CDR2: variants seen among roughly 807,000 people sequenced by gnomAD.
CDR2 encodes the protein cerebellar degeneration-related protein 2.
In CDR2, 34 loss-of-function variants were observed where a neutral mutation model predicts 48.4. The observed-to-expected ratio is 0.70, with a 90% confidence interval of 0.53 to 0.94. The LOEUF (loss-of-function observed/expected upper bound fraction) is 0.94. CDR2 is among the 40% of genes least tolerant of loss of function. The pLI is 0.00. For missense variants in CDR2, 498 were observed against 549.5 expected (o/e 0.91, Z 0.94); for synonymous variants, 240 against 219.7 (o/e 1.09, Z -0.82).
chr16:22,372,455 G>T (rs188680703), intron 1 of CDR2, among the ~76,000 whole-genome samples: 1 of 152,216 alleles, frequency 6.6e-6, no homozygotes, highest in East Asian at 1.9e-4. Flanking sequence ...GCTAGATGCT[G>T]GAAACACAAG....
In CDR2 at chr16:22,346,629, C is replaced by T. The variant is rs1168055945; in HGVS notation, c.*336G>A. On this transcript the variant is annotated 3_prime_UTR_variant, in exon 5 of 5. Coordinates refer to ENST00000268383, the MANE Select transcript of CDR2 (RefSeq NM_001802.2). ...GAATTGCCTTAGCTTTGTTCTAACT[C>T]GACCCTTTTCCCCCATACTGTAGTA... is the stretch of plus-strand genomic sequence containing the variant. 6 of 256,656 alleles carry T rather than the reference C, an allele frequency of 2.3e-5. No homozygotes were observed. Among genetic ancestry groups the T allele is most frequent in the Non-Finnish European group, 3.0e-5 (4 of 133,766 alleles). The allele number at this position is 256,656 out of a possible 1,614,324, so 15.9% of individuals were successfully genotyped here.
intron 2 of CDR2, among the ~76,000 whole-genome samples, chr16:22,364,194 C>T (rs1034353081): frequency 6.6e-6 from 1 of 152,086 alleles, no homozygotes; most frequent in Non-Finnish European, 1.5e-5. Context: ...CTGTCTCCCT[C>T]GGCATCCTAA....
chr16:22,369,491 T>A (rs567510471), intron 1 of CDR2, among the ~76,000 whole-genome samples: 18 of 152,238 alleles, frequency 1.2e-4, no homozygotes, highest in African/African-American at 4.3e-4. Context: ...AAAAAGAATT[T>A]GAGACTTGTC....
At chr16:22,367,950 A>AGT (rs1452311608) in intron 1 of CDR2, among the ~76,000 whole-genome samples, 1 of 152,224 alleles carries the variant, frequency 6.6e-6, no homozygotes, top group Non-Finnish European at 1.5e-5. Context: ...GGCCAGGTGC[A>AGT]GTGGGTCATG....
chr16:22,372,027 C>T (rs1329026801), intron 1 of CDR2, among the ~76,000 whole-genome samples: 1 of 152,132 alleles, frequency 6.6e-6, no homozygotes, highest in Admixed American at 6.5e-5. Context: ...CCTGCCACCA[C>T]ACCCACCTAA....
chr16:22,347,055 C>CTT lies in CDR2; in HGVS notation c.1274_1275insAA (p.Phe426SerfsTer16). 6.2e-7 allele frequency: 1 copy of CTT among 1,614,236 alleles called. No homozygotes were observed. The stretch of plus-strand genomic sequence containing the variant: ...TGATGCAACTAAAGATCTCCTTAAA[C>CTT]AACGCTTTGTATTCTGGAGGTGTTG... On this transcript the variant is annotated frameshift_variant, in exon 5 of 5. Coordinates refer to ENST00000268383, the MANE Select transcript of CDR2 (RefSeq NM_001802.2). LOFTEE classifies it high-confidence loss of function.
chr16:22,355,118 G>A (rs1332169574), intron 2 of CDR2, among the ~76,000 whole-genome samples: 2 of 152,168 alleles, frequency 1.3e-5, no homozygotes, highest in South Asian at 2.1e-4. Flanking sequence ...TTTCTAGGAC[G>A]TTTTATTTTA....
At chr16:22,357,543 T>G (rs2048983160) in intron 2 of CDR2, among the ~76,000 whole-genome samples, 2 of 152,252 alleles carry the variant, frequency 1.3e-5, no homozygotes, top group African/African-American at 2.4e-5. Flanking sequence ...GGGCTTTGGC[T>G]TTAGCCCTCT....
At chr16:22,367,840 T>C (rs1349782579) in intron 1 of CDR2, among the ~76,000 whole-genome samples, 1 of 152,212 alleles carries the variant, frequency 6.6e-6, no homozygotes, top group Non-Finnish European at 1.5e-5. Context: ...CCATTTAAAA[T>C]AAAACAGTAT....
chr16:22,366,215 T>G (rs2141852558), intron 1 of CDR2, among the ~76,000 whole-genome samples: 1 of 152,316 alleles, frequency 6.6e-6, no homozygotes. Flanking sequence ...TAAACTCACA[T>G]ACTGTGATAA....
chr16:22,369,203 T>C (rs762963243), intron 1 of CDR2, among the ~76,000 whole-genome samples: 2 of 151,204 alleles, frequency 1.3e-5, no homozygotes, highest in Non-Finnish European at 2.9e-5. Context: ...CTCAGCACTT[T>C]GGGACGCCAA....
chr16:22,352,209 G>A (rs929848842), intron 2 of CDR2, among the ~76,000 whole-genome samples: 7 of 152,282 alleles, frequency 4.6e-5, no homozygotes, highest in African/African-American at 1.4e-4. Flanking sequence ...CCGAGATCGT[G>A]CCACTGCACT....
rs1394313589 is a variant in CDR2, at chr16:22,346,965, T to C, written c.1365A>G (p.Ter455=). Residue 455 remains the stop codon, a stop_retained_variant, in exon 5 of 5, where the codon TAA becomes TAG. Coordinates refer to ENST00000268383, the MANE Select transcript of CDR2 (RefSeq NM_001802.2). ...ATTAGTAGTAGAGCTAGAGGTTCAA[T>C]TAAGAATGAGAGGAGAGTGATCGGT... ...TKYRSLSSHS[*] is the part of the protein sequence containing the mutation. The C allele has an allele frequency of 6.2e-7, 1 of 1,605,368 alleles. No individual in the cohort carries two copies.
intron 2 of CDR2, among the ~76,000 whole-genome samples, chr16:22,361,170 G>A (rs576772168): frequency 5.3e-5 from 8 of 152,176 alleles, no homozygotes; most frequent in Non-Finnish European, 8.8e-5. Context: ...TAGCTCACCG[G>A]GTGGTGACCA....
At position 22,374,233 on chromosome 16, in the gene CDR2, T is replaced by C. The variant is rs756999430; in HGVS notation, c.77A>G (p.Gln26Arg). The part of the protein sequence containing the change: ...EPWYDHQDLQ[Q>R]DLQLAAELGK... ...CCGCGGGGCGCCCCCGCCCTCACCT[T>C]GCTGGAGGTCCTGGTGGTCGTACCA... is the stretch of plus-strand genomic sequence containing the variant. The change falls in exon 1 of 5, where the codon CAA becomes CGA. Residue 26 changes from glutamine to arginine, a missense_variant and splice_region_variant. Transcript: ENST00000268383. The C allele has an allele frequency of 1.3e-6, 2 of 1,594,372 alleles. No individual in the cohort carries two copies. The highest frequency in any genetic ancestry group is 2.3e-5 in the East Asian group (1 of 42,768).
Position 22,374,211 on chromosome 16 carries a change from C to A in CDR2, c.79+20G>T, listed in dbSNP as rs1171933132. On this transcript the variant is annotated intron_variant, in intron 1 of 4. Transcript: ENST00000268383. ...CCCGGGCCAGGCCGCCGCCCGCCCGCGGGGCGCCCCCGCCCTCACCTTGCT... is the reference window on the plus strand; with the variant it reads ...CCCGGGCCAGGCCGCCGCCCGCCCGAGGGGCGCCCCCGCCCTCACCTTGCT... 1.3e-6 allele frequency: 2 copies of A among 1,554,158 alleles called. No individual in the cohort carries two copies. The highest frequency in any genetic ancestry group is 8.7e-7 in the Non-Finnish European group (1 of 1,143,182).
chr16:22,356,854 T>G (rs573155639), intron 2 of CDR2, among the ~76,000 whole-genome samples: 8 of 150,432 alleles, frequency 5.3e-5, no homozygotes, highest in Non-Finnish European at 1.2e-4. Flanking sequence ...AGCAGGAGAA[T>G]TGTTTGAACC....
chr16:22,359,123 C>T (rs928691857), intron 2 of CDR2, among the ~76,000 whole-genome samples: 1 of 152,004 alleles, frequency 6.6e-6, no homozygotes, highest in Admixed American at 6.6e-5. Flanking sequence ...ACTTTTTTCA[C>T]TACTAAAATT....
At chr16:22,364,483 T>A (rs1320009207) in intron 2 of CDR2, among the ~76,000 whole-genome samples, 1 of 151,972 alleles carries the variant, frequency 6.6e-6, no homozygotes, top group Non-Finnish European at 1.5e-5. Flanking sequence ...TTCAAGAGTG[T>A]GGGCAGTCTT....
Sources: gnomAD v4.1 joint callset for allele counts (sites outside exome capture counted in the v4.1 genomes callset) on GRCh38, gnomAD v4.1.1 for gene constraint, MANE v1.5 for transcripts, NCBI Gene and HGNC (gene_info 2026-07-23, HGNC 2026-07-21) for gene names.